The following IQSEC1 variants were observed in gnomAD, a reference collection of about 807,000 sequenced individuals.
IQSEC1 encodes IQ motif and SEC7 domain-containing protein 1.
A neutral mutation model predicts 91.0 loss-of-function variants in IQSEC1; 31 were observed. The observed-to-expected ratio is 0.34, with a 90% confidence interval of 0.26 to 0.46. The LOEUF (loss-of-function observed/expected upper bound fraction) is 0.46. Among genes scored for constraint, IQSEC1 ranks in the 20% least tolerant of loss-of-function variants. The probability of loss-of-function intolerance (pLI) is 1.00; values close to 1 mark genes in which losing one functional copy is unlikely to be tolerated. For synonymous variants in IQSEC1, 699 were observed against 662.6 expected (o/e 1.05, Z -0.84); for missense variants, 1,388 against 1,575.6 (o/e 0.88, Z 2.02).
intron 1 of IQSEC1, among the ~76,000 whole-genome samples, chr3:13,059,270 C>T (rs1345736288): frequency 6.6e-6 from 1 of 152,158 alleles, no homozygotes; most frequent in Non-Finnish European, 1.5e-5. Context: ...CAGGCCAGAC[C>T]CCTAGGCACT....
chr3:12,999,779 C>T (rs1341610725), intron 1 of IQSEC1, among the ~76,000 whole-genome samples: 1 of 152,234 alleles, frequency 6.6e-6, no homozygotes, highest in East Asian at 1.9e-4. Context: ...ACCAGGTAGA[C>T]ACTCTTCAGG....
intron 1 of IQSEC1, among the ~76,000 whole-genome samples, chr3:13,004,490 CA>C (rs1702551005): frequency 2.0e-5 from 3 of 152,250 alleles, no homozygotes; most frequent in East Asian, 3.9e-4. Flanking sequence ...CCTTGGAGGG[CA>C]GGGATTTGTG....
chr3:12,970,865 A>G lies in IQSEC1; in HGVS notation c.24-29000T>C, dbSNP rs1700858616. On this transcript the variant is annotated intron_variant, in intron 1 of 13. Coordinates refer to ENST00000613206, the MANE Select transcript of IQSEC1 (RefSeq NM_001134382.3). This position sits in a 1 kb window ranked among gnomAD's most constrained non-coding sequence, Gnocchi z 4.4. Reference sequence around the variant, plus strand: ...ACCAGTGAGCTGTATTCCAACTGCCAGGGCTGGTTCTATGTCCTTCCCTGC... The same window carrying G: ...ACCAGTGAGCTGTATTCCAACTGCCGGGGCTGGTTCTATGTCCTTCCCTGC... Among the ~76,000 whole-genome samples the G allele has an allele frequency of 6.6e-6, 1 of 152,220 alleles. No individual in the cohort carries two copies. Among genetic ancestry groups the G allele is most frequent in the Non-Finnish European group, 1.5e-5 (1 of 68,038 alleles).
At chr3:13,065,392 C>T (rs1705199075) in intron 1 of IQSEC1, among the ~76,000 whole-genome samples, 1 of 152,158 alleles carries the variant, frequency 6.6e-6, no homozygotes, top group Non-Finnish European at 1.5e-5. Flanking sequence ...TATGTGCAGC[C>T]TTTTTTTGTA....
rs532587421 is a variant in IQSEC1 at position 13,008,200 on chromosome 3, T to C, written c.23+64792A>G. On this transcript the variant is annotated intron_variant, in intron 1 of 13. Coordinates refer to ENST00000613206, the MANE Select transcript of IQSEC1 (RefSeq NM_001134382.3). This position sits in a 1 kb window ranked among gnomAD's most constrained non-coding sequence, Gnocchi z 4.1. ...GCCTCTCCTGGCTATGTCCGTCCATTACCATCACCACCTTGTCACCCTCCG... is the reference window on the plus strand; with the variant it reads ...GCCTCTCCTGGCTATGTCCGTCCATCACCATCACCACCTTGTCACCCTCCG... 7.7e-4 allele frequency among the ~76,000 whole-genome samples: 117 copies of C among 152,268 alleles called. 1 individual carries two copies. The highest frequency in any genetic ancestry group is 1.4e-3 in the Non-Finnish European group (98 of 68,014).
intron 1 of IQSEC1, among the ~76,000 whole-genome samples, chr3:13,172,919 T>C (rs1693646969): frequency 6.6e-6 from 1 of 152,180 alleles, no homozygotes; most frequent in Admixed American, 6.5e-5. Flanking sequence ...AGGGTGGTTC[T>C]CTCTCACTCC....
chr3:13,208,537 C>T (rs1410262709), intron 1 of IQSEC1, among the ~76,000 whole-genome samples: 2 of 152,184 alleles, frequency 1.3e-5, no homozygotes, highest in African/African-American at 2.4e-5. Flanking sequence ...GAGCCCAAGC[C>T]CCTCAAACCC....
chr3:13,058,892 C>A (rs1390801251), intron 1 of IQSEC1, among the ~76,000 whole-genome samples: 1 of 152,114 alleles, frequency 6.6e-6, no homozygotes, highest in African/African-American at 2.4e-5. Flanking sequence ...GTGCCCTCGG[C>A]CCACGGGGTG....
chr3:12,941,989 A>C (rs1252531560), intron 1 of IQSEC1, 124 bp from the exon 2 acceptor site: 2 of 880,670 alleles, frequency 2.3e-6, no homozygotes, highest in African/African-American at 3.4e-5. Context: ...CTCACACCCC[A>C]TGGCTGAGTC....
intron 2 of IQSEC1, among the ~76,000 whole-genome samples, chr3:13,145,803 G>GT (rs1706882164): frequency 1.9e-5 from 2 of 105,118 alleles, no homozygotes; most frequent in South Asian, 4.9e-4. Flanking sequence ...GCGCCCGGGG[G>GT]CGGGGGGGGG....
At chr3:13,014,804 C>G (rs2124933610) in intron 1 of IQSEC1, among the ~76,000 whole-genome samples, 1 of 152,278 alleles carries the variant, frequency 6.6e-6, no homozygotes, top group East Asian at 1.9e-4. Flanking sequence ...CAACACGCTC[C>G]CAGCCCCAGG....
Position 12,898,468 on chromosome 3 carries a change from G to A in IQSEC1, c.*2515C>T, listed in dbSNP as rs1283579518. The A allele has an allele frequency of 6.6e-6, 1 of 152,270 alleles. No individual in the cohort carries two copies. The highest frequency in any genetic ancestry group is 6.5e-5 in the Admixed American group (1 of 15,292). The allele number at this position is 152,270 out of a possible 1,614,324, so 9.4% of individuals were successfully genotyped here. ...GCCCTGCTGCCCAGCACAGCTCCAG[G>A]ACACACCGAGGACAGTGCCACAGGC... On this transcript the variant is annotated 3_prime_UTR_variant, in exon 14 of 14. Transcript: ENST00000613206.
At chr3:12,969,786 G>A (rs1009562961) in intron 1 of IQSEC1, among the ~76,000 whole-genome samples, 1 of 152,236 alleles carries the variant, frequency 6.6e-6, no homozygotes, top group Non-Finnish European at 1.5e-5. Context: ...TCTCGGCTGG[G>A]ATTTAGAAGG....
chr3:13,011,272 C>T (rs1011926379), intron 1 of IQSEC1, among the ~76,000 whole-genome samples: 1 of 152,172 alleles, frequency 6.6e-6, no homozygotes, highest in Non-Finnish European at 1.5e-5. Context: ...CTGAACCAAA[C>T]CGTTTCCCAT....
intron 1 of IQSEC1, among the ~76,000 whole-genome samples, chr3:13,012,818 G>A (rs984298688): frequency 1.3e-5 from 2 of 152,148 alleles, no homozygotes; most frequent in Non-Finnish European, 2.9e-5. Context: ...CCCCTTTTCT[G>A]CTTATGCCCG....
At chr3:13,263,504 G>A (rs759645841) in intron 1 of IQSEC1, among the ~76,000 whole-genome samples, 13 of 150,042 alleles carry the variant, frequency 8.7e-5, no homozygotes, top group South Asian at 2.1e-4. Context: ...GTGCAATGGC[G>A]TGATCTCCAC....
In IQSEC1 at chr3:13,008,167, A is replaced by C. The variant is rs1208894564; in HGVS notation, c.23+64825T>G. Among the ~76,000 whole-genome samples the C allele has an allele frequency of 2.6e-5, 4 of 152,054 alleles. No individual in the cohort carries two copies. The highest frequency in any genetic ancestry group is 5.9e-5 in the Non-Finnish European group (4 of 67,998). ...TGGCAGTTCTGAAGTTCAGGACTGA[A>C]CCTAGCTGCCTCTCCTGGCTATGTC... is the stretch of plus-strand genomic sequence containing the variant. On this transcript the variant is annotated intron_variant, in intron 1 of 13. Transcript: ENST00000613206. This position sits in a 1 kb window ranked among gnomAD's most constrained non-coding sequence, Gnocchi z 4.1.
At chr3:13,199,198 C>A (rs1254658869) in intron 1 of IQSEC1, among the ~76,000 whole-genome samples, 1 of 152,232 alleles carries the variant, frequency 6.6e-6, no homozygotes, top group Admixed American at 6.5e-5. Context: ...GGAGGAGGCA[C>A]TGGCCAGGCT....
At chr3:13,154,455 A>ATGTG (rs2124967274) in intron 2 of IQSEC1, among the ~76,000 whole-genome samples, 1 of 110,782 alleles carries the variant, frequency 9.0e-6, no homozygotes, top group African/African-American at 3.4e-5. Context: ...ATATATATAT[A>ATGTG]TATATATATA....
Sources: allele counts gnomAD v4.1 joint callset (sites outside exome capture counted in the v4.1 genomes callset), GRCh38; gene constraint gnomAD v4.1.1; non-coding constraint Gnocchi (gnomAD v3.1); transcripts MANE v1.5; gene names NCBI Gene and HGNC (gene_info 2026-07-23, HGNC 2026-07-21).